OPRM1: variants seen among roughly 807,000 people sequenced by gnomAD.
The protein encoded by OPRM1 is opioid receptor mu 1, also known as mu-type opioid receptor.
Under a neutral mutation model 31.8 loss-of-function variants are expected in OPRM1, and 27 were observed. That is an observed-to-expected ratio of 0.85 (90% confidence interval 0.63 to 1.17). OPRM1 has a LOEUF of 1.17. Ranked by LOEUF, OPRM1 falls within the 50% of genes most tolerant of loss-of-function variation. The pLI is 0.00. For synonymous variants in OPRM1, 196 were observed against 189.9 expected (o/e 1.03, Z -0.26); for missense variants, 536 against 511.1 (o/e 1.05, Z -0.47).
In OPRM1 at chr6:154,091,246, C is replaced by T. The variant is rs776983860; in HGVS notation, c.938C>T (p.Thr313Ile). 12 of 1,614,220 alleles carry T rather than the reference C, an allele frequency of 7.4e-6. No homozygotes were observed. The South Asian group carries it at 1.3e-4, about 18-fold the overall frequency. Residue 313 changes from threonine (T) to isoleucine (I), a missense_variant, in exon 3 of 4, where the codon ACT becomes ATT. Physicochemically the swap from Thr to Ile is moderately conservative, Grantham distance 89. Coordinates refer to ENST00000330432, the MANE Select transcript of OPRM1 (RefSeq NM_000914.5). The stretch of plus-strand genomic sequence containing the variant: ...AAAGCCTTGGTTACAATCCCAGAAA[C>T]TACGTTCCAGACTGTTTCTTGGCAC... ...IIKALVTIPE[T>I]TFQTVSWHFC...
rs191957030 is a variant in OPRM1 at position 154,130,708 on chromosome 6, C to T, written c.*11987C>T. 1.1e-3 allele frequency among the ~76,000 whole-genome samples: 163 copies of T among 151,522 alleles called. 1 individual carries two copies. The highest frequency in any genetic ancestry group is 1.9e-3 in the Non-Finnish European group (127 of 67,872). ...ATTATATGAAAGTATATATGCCATT[C>T]CATAAAAATATATCTACCAATATAA... On this transcript the variant is annotated 3_prime_UTR_variant, in exon 4 of 4. Transcript: ENST00000330432.
chr6:154,047,745 A>G (rs1375808500), intron 1 of OPRM1, among the ~76,000 whole-genome samples: 1 of 152,198 alleles, frequency 6.6e-6, no homozygotes, highest in Non-Finnish European at 1.5e-5. Context: ...TTTGTTTTAA[A>G]TAATATGTTA....
chr6:154,184,671 A>G (rs182220361), intron 3 of OPRM1, among the ~76,000 whole-genome samples: 266 of 152,334 alleles, frequency 1.7e-3, no homozygotes, highest in African/African-American at 6.3e-3. Context: ...TAATAAAAGT[A>G]CAATATATTT....
intron 3 of OPRM1, among the ~76,000 whole-genome samples, chr6:154,142,370 T>C (rs1798239115): frequency 1.4e-5 from 1 of 69,140 alleles, no homozygotes. Flanking sequence ...GGCTCGACCA[T>C]GCACATTAAG....
intron 3 of OPRM1, among the ~76,000 whole-genome samples, chr6:154,171,425 CAG>C (rs1464990369): frequency 6.6e-6 from 1 of 152,066 alleles, no homozygotes; most frequent in African/African-American, 2.4e-5. Context: ...GATGAACCCA[CAG>C]AGACAGAAAC....
At chr6:154,010,504 G>A in exon 1 of OPRM1, 1 of 1,541,680 alleles carries the variant, frequency 6.5e-7, no homozygotes, top group Non-Finnish European at 8.8e-7. Flanking sequence ...TTGTCTTCCT[G>A]TAAAGAAAAT....
At chr6:154,035,630 A>G (rs540069726), upstream of OPRM1, among the ~76,000 whole-genome samples, 13 of 152,262 alleles carry the variant, frequency 8.5e-5, no homozygotes, top group African/African-American at 3.1e-4. Flanking sequence ...CAACAGAATC[A>G]GGACTAAGCT....
At chr6:154,085,045 A>G (rs537068490) in intron 1 of OPRM1, among the ~76,000 whole-genome samples, 26 of 152,310 alleles carry the variant, frequency 1.7e-4, no homozygotes, top group Middle Eastern at 3.4e-3. Flanking sequence ...CAAATAATTA[A>G]CCACAAAACT....
At chr6:154,146,549 A>AT (rs1336465285) in intron 3 of OPRM1, among the ~76,000 whole-genome samples, 1 of 152,238 alleles carries the variant, frequency 6.6e-6, no homozygotes, top group Non-Finnish European at 1.5e-5. Context: ...TAAAATCAGT[A>AT]TTGAAAATAT....
intron 3 of OPRM1, among the ~76,000 whole-genome samples, chr6:154,198,631 T>TAC (rs3070838): frequency 0.072 from 10,538 of 146,750 alleles, 458 homozygotes; most frequent in East Asian, 0.22. Context: ...AAATATTACA[T>TAC]ACACACACAC....
chr6:154,160,327 C>T (rs1415408690), intron 3 of OPRM1, among the ~76,000 whole-genome samples: 1 of 152,200 alleles, frequency 6.6e-6, no homozygotes, highest in African/African-American at 2.4e-5. Flanking sequence ...TTCCACACCA[C>T]AGTAACAATT....
intron 1 of OPRM1, among the ~76,000 whole-genome samples, chr6:154,017,387 A>G (rs1352059318): frequency 5.3e-5 from 8 of 152,168 alleles, no homozygotes; most frequent in Non-Finnish European, 1.2e-4. Context: ...CAATCCAGGT[A>G]TTTATGATGG....
At chr6:154,079,195 A>T (rs1788555859) in intron 1 of OPRM1, among the ~76,000 whole-genome samples, 1 of 152,222 alleles carries the variant, frequency 6.6e-6, no homozygotes, top group South Asian at 2.1e-4. Flanking sequence ...GCCTGACTGG[A>T]ATTCTGGAGA....
chr6:154,200,133 T>C (rs1776945023), intron 3 of OPRM1: 5 of 1,191,468 alleles, frequency 4.2e-6, no homozygotes, highest in Non-Finnish European at 5.8e-6. Context: ...GGTGTCCCCG[T>C]GTTATTTCAA....
At chr6:154,045,976 C>T (rs1781036633) in intron 1 of OPRM1, among the ~76,000 whole-genome samples, 1 of 152,206 alleles carries the variant, frequency 6.6e-6, no homozygotes, top group Non-Finnish European at 1.5e-5. Context: ...CCCTGGTTTA[C>T]TCTTCTAGTT....
In OPRM1 at chr6:154,131,942, GTT is replaced by G. The variant is rs11301836; in HGVS notation, c.*13235_*13236del. On this transcript the variant is annotated 3_prime_UTR_variant, in exon 4 of 4. Coordinates refer to ENST00000330432, the MANE Select transcript of OPRM1 (RefSeq NM_000914.5). ...CTGGGAGTTTTTCTATAAGTTTTTG[GTT>G]TTTTTTTTTTTTTCTCTTCATTAGT... Among the ~76,000 whole-genome samples, 2,942 of 137,296 alleles carry G rather than the reference GTT, an allele frequency of 0.021. 108 individuals carry two copies. The highest frequency in any genetic ancestry group is 0.07 in the African/African-American group (2,655 of 37,692). 90.1% of individuals were successfully genotyped at this position (137,296 alleles called of 152,430 possible). A position where few individuals can be genotyped will look rare whatever the true frequency, so the allele number is the denominator to read the frequency against.
chr6:154,233,204 A>G (rs535326081), intron 3 of OPRM1, among the ~76,000 whole-genome samples: 1 of 152,266 alleles, frequency 6.6e-6, no homozygotes, highest in African/African-American at 2.4e-5. Context: ...ACTGGCCTCA[A>G]GTGATCTGCC....
chr6:154,224,429 T>TG (rs1223753376), intron 3 of OPRM1, among the ~76,000 whole-genome samples: 1 of 152,186 alleles, frequency 6.6e-6, no homozygotes, highest in East Asian at 1.9e-4. Flanking sequence ...AACTCAAGGC[T>TG]GGGTGCAGTG....
intron 3 of OPRM1, among the ~76,000 whole-genome samples, chr6:154,240,334 G>A (rs1193122798): frequency 6.6e-6 from 1 of 152,050 alleles, no homozygotes; most frequent in Non-Finnish European, 1.5e-5. Context: ...TGTAGCTGGG[G>A]GAGAAAGAAT....
Sources: gnomAD v4.1 joint callset for allele counts (sites outside exome capture counted in the v4.1 genomes callset) on GRCh38, gnomAD v4.1.1 for gene constraint, MANE v1.5 for transcripts, NCBI Gene and HGNC (gene_info 2026-07-23, HGNC 2026-07-21) for gene names.